MACROD2: variants seen among roughly 807,000 people sequenced by gnomAD.
MACROD2 encodes the protein mono-ADP ribosylhydrolase 2, also known as ADP-ribose glycohydrolase MACROD2.
MACROD2 carries 36 observed loss-of-function variants against 70.4 expected under a neutral mutation model. The ratio of observed to expected loss-of-function variants is 0.51; its 90% CI spans 0.39 to 0.68. The LOEUF is 0.68. Among genes scored for constraint, MACROD2 ranks in the 30% least tolerant of loss-of-function variants. The pLI, the probability that MACROD2 is intolerant of heterozygous loss-of-function variation, is 0.00. For missense variants in MACROD2, 496 were observed against 538.4 expected, an observed-to-expected ratio of 0.92 and a Z score of 0.78; for synonymous variants, 172 against 178.8, an observed-to-expected ratio of 0.96 and a Z score of 0.30.
chr20:14,436,801 A>G (rs2084061295), intron 3 of MACROD2, among the ~76,000 whole-genome samples: 1 of 152,150 alleles, frequency 6.6e-6, no homozygotes, highest in Non-Finnish European at 1.5e-5. Context: ...TGAAAAACAG[A>G]GAATAATAAC....
At chr20:14,350,286 T>A (rs370299854) in intron 3 of MACROD2, among the ~76,000 whole-genome samples, 8 of 151,980 alleles carry the variant, frequency 5.3e-5, no homozygotes, top group African/African-American at 1.4e-4. Context: ...CTATTTTTAG[T>A]TTTTTGAGGA....
chr20:14,435,528 CACT>C (rs888979289), intron 3 of MACROD2, among the ~76,000 whole-genome samples: 1 of 151,996 alleles, frequency 6.6e-6, no homozygotes, highest in African/African-American at 2.4e-5. Flanking sequence ...CCAATTTTAC[CACT>C]AATTAATTTT....
intron 2 of MACROD2, among the ~76,000 whole-genome samples, chr20:14,065,204 G>T (rs180873052): frequency 6.6e-6 from 1 of 152,102 alleles, no homozygotes; most frequent in Non-Finnish European, 1.5e-5. Flanking sequence ...TAAATTCTTT[G>T]TGTGTGGACA....
At chr20:14,843,292 A>C (rs1052402320) in intron 5 of MACROD2, among the ~76,000 whole-genome samples, 1 of 150,970 alleles carries the variant, frequency 6.6e-6, no homozygotes, top group African/African-American at 2.4e-5. Context: ...GCTTTTCTAT[A>C]AATTTATTTT....
chr20:14,897,594 T>G lies in MACROD2; in HGVS notation c.418+212635T>G, dbSNP rs1364976572. 2.0e-5 allele frequency among the ~76,000 whole-genome samples: 3 copies of G among 152,320 alleles called. No homozygotes were observed. In the East Asian group the frequency reaches 5.8e-4, roughly 29 times the overall value. ...TAGTGCTTCATTTCAGGCTGCTTTT[T>G]TTCAAACAACAGAAATTGACTTTGG... On this transcript the variant is annotated intron_variant, in intron 5 of 17. Transcript: ENST00000684519.
chr20:14,631,357 GC>G (rs1363937659), intron 4 of MACROD2, among the ~76,000 whole-genome samples: 1 of 152,054 alleles, frequency 6.6e-6, no homozygotes, highest in Non-Finnish European at 1.5e-5. Context: ...CTTTTTCTTA[GC>G]CCTTTTCTGC....
At chr20:14,046,202 ATTAT>A (rs1365981148) in intron 2 of MACROD2, among the ~76,000 whole-genome samples, 2 of 152,218 alleles carry the variant, frequency 1.3e-5, no homozygotes, top group African/African-American at 4.8e-5. Context: ...CCAGAAACAG[ATTAT>A]CTACAAAGCT....
intron 3 of MACROD2, among the ~76,000 whole-genome samples, chr20:14,112,464 T>C (rs1177459102): frequency 6.6e-6 from 1 of 152,036 alleles, no homozygotes; most frequent in Non-Finnish European, 1.5e-5. Flanking sequence ...CATTAACATA[T>C]TTCATGTACT....
At chr20:14,819,382 A>T (rs1454983941) in intron 5 of MACROD2, among the ~76,000 whole-genome samples, 1 of 144,412 alleles carries the variant, frequency 6.9e-6, no homozygotes, top group Non-Finnish European at 1.5e-5. Context: ...CGTATTGATA[A>T]GAAAAAAAAA....
intron 8 of MACROD2, among the ~76,000 whole-genome samples, chr20:15,665,263 G>T (rs541467942): frequency 6.6e-6 from 1 of 152,230 alleles, no homozygotes; most frequent in African/African-American, 2.4e-5. Flanking sequence ...AGGAATTATT[G>T]TGCCCCCTAC....
chr20:14,498,775 T>A (rs2084884692), intron 4 of MACROD2, among the ~76,000 whole-genome samples: 1 of 152,198 alleles, frequency 6.6e-6, no homozygotes, highest in Non-Finnish European at 1.5e-5. Flanking sequence ...AATGATTTCA[T>A]AAATTTTGTC....
intron 3 of MACROD2, among the ~76,000 whole-genome samples, chr20:14,362,531 A>G (rs754323400): frequency 1.1e-4 from 17 of 152,188 alleles, no homozygotes; most frequent in Admixed American, 3.3e-4. Context: ...CGGCTTTTAA[A>G]TGAAGCATTT....
intron 8 of MACROD2, among the ~76,000 whole-genome samples, chr20:15,650,165 G>A (rs907665470): frequency 1.3e-5 from 2 of 152,214 alleles, no homozygotes; most frequent in Admixed American, 1.3e-4. Flanking sequence ...AAGGAATTAA[G>A]TAGGGAATGT....
At chr20:14,276,860 C>T (rs2082262835) in intron 3 of MACROD2, among the ~76,000 whole-genome samples, 1 of 152,104 alleles carries the variant, frequency 6.6e-6, no homozygotes, top group Non-Finnish European at 1.5e-5. Context: ...AGTTGCAAAA[C>T]CATAGAATAC....
chr20:14,227,848 A>G (rs917376302), intron 3 of MACROD2, among the ~76,000 whole-genome samples: 2 of 152,100 alleles, frequency 1.3e-5, no homozygotes, highest in African/African-American at 4.8e-5. Context: ...CATAAAATAC[A>G]TGGTCCAGGA....
At chr20:15,652,936 A>T (rs140230741) in intron 8 of MACROD2, among the ~76,000 whole-genome samples, 1 of 152,168 alleles carries the variant, frequency 6.6e-6, no homozygotes, top group Non-Finnish European at 1.5e-5. Flanking sequence ...AACTAATATT[A>T]CTGCTATAAT....
At chr20:15,946,897 G>C (rs1479820243) in intron 12 of MACROD2, among the ~76,000 whole-genome samples, 1 of 152,146 alleles carries the variant, frequency 6.6e-6, no homozygotes, top group African/African-American at 2.4e-5. Context: ...AGAGCAGGGT[G>C]ATAGTGGGGA....
chr20:14,991,699 C>T (rs1365644973), intron 5 of MACROD2, among the ~76,000 whole-genome samples: 1 of 152,172 alleles, frequency 6.6e-6, no homozygotes, highest in Non-Finnish European at 1.5e-5. Context: ...ATAGATCTCA[C>T]TTCTTTGGGG....
chr20:15,025,688 A>T (rs1325886878), intron 5 of MACROD2, among the ~76,000 whole-genome samples: 2 of 152,038 alleles, frequency 1.3e-5, no homozygotes, highest in Non-Finnish European at 2.9e-5. Flanking sequence ...GGGCTGGATG[A>T]TTCTTTGGTC....
Sources: gnomAD v4.1 joint callset for allele counts (sites outside exome capture counted in the v4.1 genomes callset) on GRCh38, gnomAD v4.1.1 for gene constraint, MANE v1.5 for transcripts, NCBI Gene and HGNC (gene_info 2026-07-23, HGNC 2026-07-21) for gene names.